The following SLC23A2 variants were observed in gnomAD, a reference collection of about 807,000 sequenced individuals.
SLC23A2 encodes the protein Na(+)/L-ascorbic acid transporter 2.
A neutral mutation model predicts 73.3 loss-of-function variants in SLC23A2; 36 were observed. That is an observed-to-expected ratio of 0.49 (90% CI 0.38 to 0.65). The LOEUF (loss-of-function observed/expected upper bound fraction) is 0.65, where lower values mean the gene tolerates loss of function less well. Among genes scored for constraint, SLC23A2 ranks in the 30% least tolerant of loss-of-function variants. The pLI, the probability that SLC23A2 is intolerant of heterozygous loss-of-function variation, is 0.00. For missense variants in SLC23A2, 507 were observed against 841.6 expected (o/e 0.60, Z 4.92); for synonymous variants, 343 against 327.3 (o/e 1.05, Z -0.52).
intron 1 of SLC23A2, among the ~76,000 whole-genome samples, chr20:4,995,751 G>A (rs6139605): frequency 6.6e-6 from 1 of 152,116 alleles, no homozygotes; most frequent in African/African-American, 2.4e-5. Flanking sequence ...TAAGACCCTA[G>A]GCAAGAAGCT....
intron 1 of SLC23A2, among the ~76,000 whole-genome samples, chr20:4,973,295 A>G (rs1354397280): frequency 6.6e-6 from 1 of 152,244 alleles, no homozygotes; most frequent in Admixed American, 6.5e-5. Flanking sequence ...CCTTTAAAAA[A>G]CTATTAATTA....
intron 9 of SLC23A2, among the ~76,000 whole-genome samples, chr20:4,880,905 A>C (rs1038142495): frequency 1.3e-5 from 2 of 152,148 alleles, no homozygotes; most frequent in Non-Finnish European, 2.9e-5. Flanking sequence ...GGGAGAGAGG[A>C]GGACCCCTGG....
intron 11 of SLC23A2, among the ~76,000 whole-genome samples, chr20:4,871,902 AT>A (rs1443166671): frequency 1.3e-5 from 2 of 152,160 alleles, no homozygotes; most frequent in African/African-American, 4.8e-5. Context: ...GGTTTCAAGA[AT>A]TCTGGTTGTA....
chr20:4,992,073 A>G (rs1298738826), intron 1 of SLC23A2, among the ~76,000 whole-genome samples: 1 of 152,134 alleles, frequency 6.6e-6, no homozygotes, highest in African/African-American at 2.4e-5. Flanking sequence ...TCGCGCCATT[A>G]CACTCAAGCC....
intron 1 of SLC23A2, among the ~76,000 whole-genome samples, chr20:4,991,720 T>TCACACACACACACA (rs11471369): frequency 3.9e-4 from 54 of 139,420 alleles, no homozygotes; most frequent in Non-Finnish European, 2.9e-4. Flanking sequence ...AGACTCCGTT[T>TCACACACACACACA]CACACACACA....
At chr20:4,966,519 T>C (rs1041110012) in intron 2 of SLC23A2, among the ~76,000 whole-genome samples, 1 of 152,172 alleles carries the variant, frequency 6.6e-6, no homozygotes, top group Non-Finnish European at 1.5e-5. Flanking sequence ...AAAGGGTTGC[T>C]ATGAAAATAA....
rs1929578786 is a variant in SLC23A2, at chr20:4,852,913, C to T, written c.*4059G>A. On this transcript the variant is annotated 3_prime_UTR_variant, in exon 17 of 17. Coordinates refer to ENST00000338244, the MANE Select transcript of SLC23A2 (RefSeq NM_005116.6). This position sits in a 1 kb window ranked among gnomAD's most constrained non-coding sequence, Gnocchi z 4.3. ...TCTGTGAGGCTGCTGAAAAGAGACC[C>T]CCAACGCTAATGTGCCTTATGGGTC... 6.6e-6 allele frequency: 1 copy of T among 152,636 alleles called. No homozygotes were observed. Among genetic ancestry groups the T allele is most frequent in the Admixed American group, 6.5e-5 (1 of 15,280 alleles). The allele number at this position is 152,636 out of a possible 1,614,324, so 9.5% of individuals were successfully genotyped here.
intron 2 of SLC23A2, among the ~76,000 whole-genome samples, chr20:4,938,429 C>T (rs1360589769): frequency 6.6e-6 from 1 of 151,582 alleles, no homozygotes; most frequent in Non-Finnish European, 1.5e-5. Flanking sequence ...ACCTCCACCT[C>T]CCAGGTTCAA....
chr20:4,935,282 T>G (rs1430136818), intron 2 of SLC23A2, among the ~76,000 whole-genome samples: 2 of 149,408 alleles, frequency 1.3e-5, no homozygotes, highest in Non-Finnish European at 3.0e-5. Context: ...TCATTAACAG[T>G]AAAAACTGGA....
chr20:4,940,037 C>T (rs1171957685), intron 2 of SLC23A2, among the ~76,000 whole-genome samples: 1 of 152,138 alleles, frequency 6.6e-6, no homozygotes. Flanking sequence ...TAAGCAAGGG[C>T]CAGGCATGGT....
At chr20:4,986,383 G>A (rs1475567407) in intron 1 of SLC23A2, among the ~76,000 whole-genome samples, 2 of 151,938 alleles carry the variant, frequency 1.3e-5, no homozygotes, top group African/African-American at 2.4e-5. Flanking sequence ...GCACGATCTC[G>A]GCTCACTACA....
chr20:4,982,646 T>C lies in SLC23A2; in HGVS notation c.-281-11727A>G, dbSNP rs1600200545. Among the ~76,000 whole-genome samples the C allele has an allele frequency of 2.0e-5, 3 of 150,386 alleles. No homozygotes were observed. In the East Asian group the frequency reaches 5.8e-4, roughly 29 times the overall value. Reference sequence around the variant, plus strand: ...CTATACTAATTAAGACAGTGTGGTATAAGTACATACAAAGATACTAGGATA... The same window carrying C: ...CTATACTAATTAAGACAGTGTGGTACAAGTACATACAAAGATACTAGGATA... On this transcript the variant is annotated intron_variant, in intron 1 of 16. Transcript: ENST00000338244.
chr20:4,895,291 T>C (rs1200273779), intron 6 of SLC23A2, among the ~76,000 whole-genome samples: 2 of 152,218 alleles, frequency 1.3e-5, no homozygotes, highest in Non-Finnish European at 2.9e-5. Context: ...GCAGTGCTGC[T>C]GGGAGTCAGG....
Position 4,942,494 on chromosome 20 carries a change from C to T in SLC23A2, c.-154-9778G>A, listed in dbSNP as rs548283726. Among the ~76,000 whole-genome samples, 15 of 151,992 alleles carry T rather than the reference C, an allele frequency of 9.9e-5. No individual in the cohort carries two copies. The South Asian group carries it at 1.0e-3, about 11-fold the overall frequency. On this transcript the variant is annotated intron_variant, in intron 2 of 16. Coordinates refer to ENST00000338244, the MANE Select transcript of SLC23A2 (RefSeq NM_005116.6). ...AGAAAAGTAAAATAAAATATTTAGA[C>T]GTGTAACAAATCTTCCAATTCCCTA...
chr20:5,006,346 C>T (rs2088190887), upstream of SLC23A2, among the ~76,000 whole-genome samples: 2 of 151,946 alleles, frequency 1.3e-5, no homozygotes, highest in Admixed American at 6.6e-5. Context: ...ATCCATCTGC[C>T]TCCGCCTCCC....
chr20:4,962,936 T>A (rs2087415664), intron 2 of SLC23A2, among the ~76,000 whole-genome samples: 1 of 152,106 alleles, frequency 6.6e-6, no homozygotes, highest in Non-Finnish European at 1.5e-5. Flanking sequence ...AGGCGGAGGT[T>A]GCAAGTGAGC....
intron 6 of SLC23A2, among the ~76,000 whole-genome samples, chr20:4,890,893 C>G (rs937243246): frequency 5.9e-5 from 9 of 152,206 alleles, no homozygotes; most frequent in Non-Finnish European, 5.9e-5. Context: ...CTCGACAGAG[C>G]TGACATTTTA....
chr20:4,952,561 T>A (rs1488874071), intron 2 of SLC23A2, among the ~76,000 whole-genome samples: 3 of 152,014 alleles, frequency 2.0e-5, no homozygotes, highest in African/African-American at 7.3e-5. Flanking sequence ...TCCAACCAGG[T>A]TGGAATATAG....
intron 3 of SLC23A2, among the ~76,000 whole-genome samples, chr20:4,914,963 A>G (rs931960693): frequency 2.2e-4 from 33 of 152,148 alleles, no homozygotes; most frequent in African/African-American, 7.5e-4. Context: ...CTGCTGGAAC[A>G]TGAAAGGTGG....
Sources: allele counts gnomAD v4.1 joint callset (sites outside exome capture counted in the v4.1 genomes callset), GRCh38; gene constraint gnomAD v4.1.1; non-coding constraint Gnocchi (gnomAD v3.1); transcripts MANE v1.5; gene names NCBI Gene and HGNC (gene_info 2026-07-23, HGNC 2026-07-21).